The following ZMIZ2 variants were observed in gnomAD, a reference collection of about 807,000 sequenced individuals.
ZMIZ2 encodes zinc finger MIZ domain-containing protein 2.
A neutral mutation model predicts 93.9 loss-of-function variants in ZMIZ2; 26 were observed. The observed-to-expected ratio is 0.28, with a 90% CI of 0.20 to 0.38. The LOEUF (loss-of-function observed/expected upper bound fraction) is 0.38, where lower values mean the gene tolerates loss of function less well. ZMIZ2 is among the 10% of genes least tolerant of loss of function. ZMIZ2 has a pLI of 1.00. For missense variants in ZMIZ2, 1,023 were observed against 1,235.0 expected (o/e 0.83, Z 2.57); for synonymous variants, 485 against 516.4 (o/e 0.94, Z 0.82).
intron 8 of ZMIZ2, 87 bp downstream of exon 8, chr7:44,760,315 C>T (rs567819282): frequency 1.2e-5 from 18 of 1,563,578 alleles, no homozygotes; most frequent in Admixed American, 5.5e-5. Flanking sequence ...CCCCTGGGGC[C>T]GCCTCCTGTC....
rs1791640879 is a variant in ZMIZ2, at chr7:44,765,711, A to G, written c.2242+132A>G. The G allele has an allele frequency of 7.4e-7, 1 of 1,352,080 alleles. No individual in the cohort carries two copies. Among genetic ancestry groups the G allele is most frequent in the Non-Finnish European group, 1.0e-6 (1 of 1,004,342 alleles). The allele number at this position is 1,352,080 out of a possible 1,614,324, so 83.8% of individuals were successfully genotyped here. Reference sequence around the variant, plus strand: ...CCTAGGTTATCAGTGTTGCCACACAAAACATGCCGCGGGGCACCTCCAGCC... The same window carrying G: ...CCTAGGTTATCAGTGTTGCCACACAGAACATGCCGCGGGGCACCTCCAGCC... On this transcript the variant is annotated intron_variant, in intron 16 of 18. Transcript: ENST00000309315. The surrounding 1 kb of genome is among the most constrained non-coding windows in gnomAD (Gnocchi z 4.1).
chr7:44,748,886 T>G lies in ZMIZ2; in HGVS notation c.-168T>G, dbSNP rs1183218714. 1 of 146,386 alleles carries G rather than the reference T, an allele frequency of 6.8e-6. No homozygotes were observed. Among genetic ancestry groups the G allele is most frequent in the Non-Finnish European group, 1.5e-5 (1 of 65,818 alleles). 9.1% of individuals were successfully genotyped at this position (146,386 alleles called of 1,614,324 possible). ...GCGGGCGGCGGCGCGATGGCGCGGGTGGCGGCGGCCCCGGGGCGGCGGGCG... is the reference window on the plus strand; with the variant it reads ...GCGGGCGGCGGCGCGATGGCGCGGGGGGCGGCGGCCCCGGGGCGGCGGGCG... On this transcript the variant is annotated 5_prime_UTR_variant, in exon 1 of 19. Transcript: ENST00000309315.
In ZMIZ2 at chr7:44,765,321, C is replaced by A; in HGVS notation, c.1998-14C>A. On this transcript the variant is annotated splice_polypyrimidine_tract_variant and intron_variant, in intron 15 of 18. Transcript: ENST00000309315. The surrounding 1 kb of genome is among the most constrained non-coding windows in gnomAD (Gnocchi z 4.1). Reference sequence around the variant, plus strand: ...AGGCCAGGAGGTAACCATTCCCCACCTGTCCCTGCCCAGCTCTGACTATGA... The same window carrying A: ...AGGCCAGGAGGTAACCATTCCCCACATGTCCCTGCCCAGCTCTGACTATGA... 6.2e-7 allele frequency: 1 copy of A among 1,611,210 alleles called. No individual in the cohort carries two copies. The highest frequency in any genetic ancestry group is 1.1e-5 in the South Asian group (1 of 91,014).
At chr7:44,758,782 C>A (rs553625693) in intron 6 of ZMIZ2, among the ~76,000 whole-genome samples, 1 of 151,582 alleles carries the variant, frequency 6.6e-6, no homozygotes, top group Non-Finnish European at 1.5e-5. Context: ...GGTGTGGTGG[C>A]GGGCGCCTGC....
rs367789981 is a variant in ZMIZ2 at position 44,765,382 on chromosome 7, C to T, written c.2045C>T (p.Pro682Leu). 677 of 1,613,356 alleles carry T rather than the reference C, an allele frequency of 4.2e-4. No homozygotes were observed. Among genetic ancestry groups the T allele is most frequent in the Non-Finnish European group, 5.5e-4 (645 of 1,180,018 alleles). ...ITIDPTCSWK[P>L]VPVKPDMHIK... ...ATCGACCCCACGTGCAGCTGGAAGC[C>T]AGTGCCCGTGAAGCCTGACATGCAC... The change falls in exon 16 of 19, where the codon CCA (proline) becomes CTA (leucine). Residue 682 changes from proline to leucine, a missense_variant. Physicochemically the swap from Pro to Leu is moderately conservative, Grantham distance 98. Around this residue, in one of 3 missense-constraint regions of ZMIZ2, gnomAD observed 319 missense variants for 358.8 expected, o/e 0.89. Transcript: ENST00000309315. This position sits in a 1 kb window ranked among gnomAD's most constrained non-coding sequence, Gnocchi z 4.1.
chr7:44,763,125 T>C lies in ZMIZ2; in HGVS notation c.1703-131T>C. 6.9e-7 allele frequency: 1 copy of C among 1,446,278 alleles called. No homozygotes were observed. The highest frequency in any genetic ancestry group is 9.5e-7 in the Non-Finnish European group (1 of 1,053,702). 89.6% of individuals were successfully genotyped at this position (1,446,278 alleles called of 1,614,324 possible). The stretch of plus-strand genomic sequence containing the variant: ...ACAGGTGGCTCTGCAGTAGGGGCAG[T>C]GGTTAGTTCCAGGTGGCCCCTCAGA... On this transcript the variant is annotated intron_variant, in intron 12 of 18. Coordinates refer to ENST00000309315, the MANE Select transcript of ZMIZ2 (RefSeq NM_031449.4). This position sits in a 1 kb window ranked among gnomAD's most constrained non-coding sequence, Gnocchi z 5.6.
chr7:44,767,146 G>C (rs1180623427), intron 18 of ZMIZ2, among the ~76,000 whole-genome samples: 2 of 152,130 alleles, frequency 1.3e-5, no homozygotes, highest in Non-Finnish European at 2.9e-5. Context: ...AAAATCCTAG[G>C]GGCATGGAAT....
In ZMIZ2 at chr7:44,765,901, C is replaced by T; in HGVS notation, c.2243-263C>T. ...TGGGGCCCCCCTCTGGGACCCACCT[C>T]ACACGCGTGGTGCGTTTGTTTGTGG... On this transcript the variant is annotated intron_variant, in intron 16 of 18. Transcript: ENST00000309315. This position sits in a 1 kb window ranked among gnomAD's most constrained non-coding sequence, Gnocchi z 4.1. 7.2e-7 allele frequency: 1 copy of T among 1,395,468 alleles called. No homozygotes were observed. Among genetic ancestry groups the T allele is most frequent in the Non-Finnish European group, 9.3e-7 (1 of 1,076,736 alleles). 86.4% of individuals were successfully genotyped at this position (1,395,468 alleles called of 1,614,324 possible).
intron 11 of ZMIZ2, among the ~76,000 whole-genome samples, chr7:44,762,485 C>T (rs1424035843): frequency 6.6e-6 from 1 of 152,210 alleles, no homozygotes; most frequent in Non-Finnish European, 1.5e-5. Context: ...GGGTTGGCCA[C>T]ACACCACATT....
chr7:44,759,844 G>A (rs1166724537), intron 7 of ZMIZ2: 3 of 488,482 alleles, frequency 6.1e-6, no homozygotes, highest in African/African-American at 6.0e-5. Flanking sequence ...CTCGCTGCTG[G>A]CCATGTACCC....
chr7:44,749,997 C>T (rs1204276039), intron 1 of ZMIZ2: 1 of 152,144 alleles, frequency 6.6e-6, no homozygotes, highest in Admixed American at 6.6e-5. Flanking sequence ...ACCTCTAGCC[C>T]TTGTCATGCC....
At chr7:44,752,016 G>A (rs987856142) in intron 1 of ZMIZ2, among the ~76,000 whole-genome samples, 1 of 152,100 alleles carries the variant, frequency 6.6e-6, no homozygotes, top group South Asian at 2.1e-4. Flanking sequence ...ATGACACAGA[G>A]AGATTTATTC....
Position 44,761,912 on chromosome 7 carries a change from G to C in ZMIZ2, c.1596+7G>C. ...CGTCACCGCCTGCTGCTGCGTGCGT[G>C]TCCTGCGCCGAGGGGGCGGTGCTGT... is the stretch of plus-strand genomic sequence containing the variant. On this transcript the variant is annotated splice_region_variant and intron_variant, in intron 11 of 18. Coordinates refer to ENST00000309315, the MANE Select transcript of ZMIZ2 (RefSeq NM_031449.4). This position sits in a 1 kb window ranked among gnomAD's most constrained non-coding sequence, Gnocchi z 5.8. The C allele has an allele frequency of 6.2e-7, 1 of 1,609,936 alleles. No homozygotes were observed. Among genetic ancestry groups the C allele is most frequent in the Non-Finnish European group, 8.5e-7 (1 of 1,179,422 alleles).
In ZMIZ2 at chr7:44,760,199, G is replaced by A. The variant is rs746357564; in HGVS notation, c.1042G>A (p.Val348Ile). ...GGGCGCCAGCTTCAACGGGGGCAGC[G>A]TCAGCTACAGCCAACCTGGCCTGAG... The part of the protein sequence containing the change: ...GQGASFNGGS[V>I]SYSQPGLSGP... The change falls in exon 8 of 19, where the codon GTC becomes ATC. Residue 348 changes from valine to isoleucine, a missense_variant. By Grantham distance (29) the Val-to-Ile change is conservative. Around this residue, in one of 3 missense-constraint regions of ZMIZ2, gnomAD observed 656 missense variants for 777.1 expected, o/e 0.84. Coordinates refer to ENST00000309315, the MANE Select transcript of ZMIZ2 (RefSeq NM_031449.4). The A allele has an allele frequency of 7.4e-6, 12 of 1,613,416 alleles. No homozygotes were observed. Among genetic ancestry groups the A allele is most frequent in the East Asian group, 2.2e-5 (1 of 44,878 alleles).
At chr7:44,764,302 G>C (rs1170348071) in intron 13 of ZMIZ2, 117 bp from the exon 14 acceptor site, 1 of 910,586 alleles carries the variant, frequency 1.1e-6, no homozygotes, top group Non-Finnish European at 1.7e-6. Flanking sequence ...GGTACATGCA[G>C]TATCTCAGTT....
chr7:44,754,909 T>C (rs1430467889), intron 1 of ZMIZ2, among the ~76,000 whole-genome samples: 1 of 152,142 alleles, frequency 6.6e-6, no homozygotes. Flanking sequence ...GAGGTGGACA[T>C]GTCAGGTGGT....
At chr7:44,759,706 G>C in intron 7 of ZMIZ2, 1 of 460,590 alleles carries the variant, frequency 2.2e-6, no homozygotes, top group Non-Finnish European at 3.8e-6. Context: ...CCCTCTACAA[G>C]ATTCATATAT....
chr7:44,763,576 C>G lies in ZMIZ2; in HGVS notation c.1860+163C>G. ...CAAGGAGGCAGGTGGGCCTGGCTCCCCCAAGACTAGGCTATTTTTTCTTCC... is the reference window on the plus strand; with the variant it reads ...CAAGGAGGCAGGTGGGCCTGGCTCCGCCAAGACTAGGCTATTTTTTCTTCC... On this transcript the variant is annotated intron_variant, in intron 13 of 18. Coordinates refer to ENST00000309315, the MANE Select transcript of ZMIZ2 (RefSeq NM_031449.4). This position sits in a 1 kb window ranked among gnomAD's most constrained non-coding sequence, Gnocchi z 5.6. The G allele has an allele frequency of 2.2e-6, 2 of 893,680 alleles. No homozygotes were observed. The highest frequency in any genetic ancestry group is 3.3e-6 in the Non-Finnish European group (2 of 602,128). The allele number at this position is 893,680 out of a possible 1,614,324, so 55.4% of individuals were successfully genotyped here.
chr7:44,764,236 G>A (rs1274402362), intron 13 of ZMIZ2, among the ~76,000 whole-genome samples, 183 bp from the exon 14 acceptor site: 1 of 152,234 alleles, frequency 6.6e-6, no homozygotes, highest in South Asian at 2.1e-4. Flanking sequence ...CTCAGTGAGA[G>A]CTGTTTGGGC....
Sources: allele counts gnomAD v4.1 joint callset (sites outside exome capture counted in the v4.1 genomes callset), GRCh38; gene constraint gnomAD v4.1.1; regional missense constraint gnomAD v4.1.1; non-coding constraint Gnocchi (gnomAD v3.1); transcripts MANE v1.5; gene names NCBI Gene and HGNC (gene_info 2026-07-23, HGNC 2026-07-21).